Variants in LRP1B observed in about 807,000 individuals in gnomAD.
The protein encoded by LRP1B is low-density lipoprotein receptor-related protein 1B.
Under a neutral mutation model 556.6 loss-of-function variants are expected in LRP1B, and 217 were observed. The ratio of observed to expected loss-of-function variants is 0.39; its 90% CI spans 0.35 to 0.44. LRP1B has a LOEUF of 0.44. Ranked by LOEUF, LRP1B falls within the 20% of genes least tolerant of loss-of-function variation. LRP1B has a pLI of 1.00. For missense variants in LRP1B, 5,053 were observed against 5,620.8 expected, an observed-to-expected ratio of 0.90 and a Z score of 3.23; for synonymous variants, 2,047 against 1,865.8, an observed-to-expected ratio of 1.10 and a Z score of -2.50.
intron 3 of LRP1B, among the ~76,000 whole-genome samples, chr2:141,458,697 C>T (rs537425597): frequency 6.6e-6 from 1 of 152,026 alleles, no homozygotes; most frequent in South Asian, 2.1e-4. Flanking sequence ...GCCAACAGTG[C>T]TTCTATGACT....
intron 11 of LRP1B, among the ~76,000 whole-genome samples, chr2:141,032,622 C>A (rs916426464): frequency 1.3e-5 from 2 of 151,704 alleles, no homozygotes; most frequent in African/African-American, 4.8e-5. Context: ...TGTATTTCTT[C>A]TTCTGTGAAC....
chr2:140,833,888 A>C (rs1691805954), intron 31 of LRP1B, among the ~76,000 whole-genome samples: 1 of 152,202 alleles, frequency 6.6e-6, no homozygotes, highest in African/African-American at 2.4e-5. Flanking sequence ...ATGAGAATCA[A>C]AACCATAAGC....
At chr2:141,455,020 C>T (rs1195743650) in intron 3 of LRP1B, among the ~76,000 whole-genome samples, 1 of 151,930 alleles carries the variant, frequency 6.6e-6, no homozygotes, top group African/African-American at 2.4e-5. Context: ...ATTCAAAATG[C>T]AATAGAAAAT....
At chr2:142,028,319 G>C (rs963600468) in intron 1 of LRP1B, among the ~76,000 whole-genome samples, 30 of 151,882 alleles carry the variant, frequency 2.0e-4, no homozygotes, top group Admixed American at 4.6e-4. Flanking sequence ...CAATTATCTT[G>C]TGCTGTCCCT....
At chr2:140,879,078 T>C (rs1349917978) in intron 25 of LRP1B, among the ~76,000 whole-genome samples, 1 of 152,120 alleles carries the variant, frequency 6.6e-6, no homozygotes, top group Non-Finnish European at 1.5e-5. Context: ...TCTGAGTATT[T>C]GTGGATAAGC....
At chr2:140,601,817 A>G (rs1297256044) in intron 41 of LRP1B, among the ~76,000 whole-genome samples, 178 bp from the exon 42 acceptor site, 1 of 152,168 alleles carries the variant, frequency 6.6e-6, no homozygotes, top group African/African-American at 2.4e-5. Context: ...CTTATTATAC[A>G]TATATAATGG....
At chr2:140,248,626 C>G (rs1010155872) in intron 86 of LRP1B, among the ~76,000 whole-genome samples, 1 of 151,484 alleles carries the variant, frequency 6.6e-6, no homozygotes, top group Non-Finnish European at 1.5e-5. Flanking sequence ...GGGATATTTT[C>G]AAATCATTAG....
At chr2:141,877,920 T>C (rs929931898) in intron 1 of LRP1B, among the ~76,000 whole-genome samples, 6 of 151,964 alleles carry the variant, frequency 3.9e-5, no homozygotes, top group Non-Finnish European at 8.8e-5. Flanking sequence ...CCTGGGCTTA[T>C]AGTACAATTT....
At chr2:141,715,266 G>A (rs901002071) in intron 2 of LRP1B, among the ~76,000 whole-genome samples, 10 of 151,972 alleles carry the variant, frequency 6.6e-5, no homozygotes, top group Admixed American at 2.6e-4. Context: ...CCAGGAGTTC[G>A]ACACCAGCCT....
intron 66 of LRP1B, among the ~76,000 whole-genome samples, chr2:140,435,505 A>G (rs759856953): frequency 5.3e-5 from 8 of 152,132 alleles, no homozygotes; most frequent in African/African-American, 9.7e-5. Flanking sequence ...TTCAAACTCA[A>G]TTATAATCCC....
chr2:140,927,212 C>T (rs773788025), intron 20 of LRP1B, among the ~76,000 whole-genome samples: 9 of 151,896 alleles, frequency 5.9e-5, no homozygotes, highest in Non-Finnish European at 5.9e-5. Flanking sequence ...GGCTGAGGCA[C>T]GAGAATCACT....
At chr2:142,064,907 T>C (rs542473035) in intron 1 of LRP1B, among the ~76,000 whole-genome samples, 2 of 151,744 alleles carry the variant, frequency 1.3e-5, no homozygotes, top group South Asian at 2.1e-4. Context: ...TATATACATA[T>C]CTATCTCCAT....
chr2:141,748,299 A>C (rs1171179046), intron 2 of LRP1B, among the ~76,000 whole-genome samples: 1 of 152,192 alleles, frequency 6.6e-6, no homozygotes, highest in African/African-American at 2.4e-5. Flanking sequence ...GAAATCATAT[A>C]TATAAAAGGC....
chr2:142,048,714 C>A (rs770531439), intron 1 of LRP1B, among the ~76,000 whole-genome samples: 4 of 151,930 alleles, frequency 2.6e-5, no homozygotes, highest in Non-Finnish European at 5.9e-5. Context: ...TAACATTCTT[C>A]ATTTCCAAGG....
At chr2:141,307,782 T>C (rs1686651975) in intron 3 of LRP1B, among the ~76,000 whole-genome samples, 1 of 152,134 alleles carries the variant, frequency 6.6e-6, no homozygotes, top group Non-Finnish European at 1.5e-5. Context: ...TATGTCCATA[T>C]GGGAAGATTC....
chr2:141,214,618 C>T (rs1236509768), intron 6 of LRP1B, among the ~76,000 whole-genome samples: 1 of 152,142 alleles, frequency 6.6e-6, no homozygotes, highest in Non-Finnish European at 1.5e-5. Flanking sequence ...AATGCCTTGG[C>T]TCTAATCTTG....
intron 41 of LRP1B, among the ~76,000 whole-genome samples, chr2:140,610,880 T>C (rs1228184330): frequency 3.3e-5 from 5 of 152,378 alleles, no homozygotes; most frequent in African/African-American, 9.6e-5. Context: ...CTAGACTTTC[T>C]GTATTTTCGT....
chr2:141,823,290 G>A (rs1696814195), intron 1 of LRP1B, among the ~76,000 whole-genome samples: 1 of 152,092 alleles, frequency 6.6e-6, no homozygotes, highest in Admixed American at 6.5e-5. Flanking sequence ...TCTAGATTGT[G>A]AGCACTTCAG....
In LRP1B at chr2:141,211,304, TA is replaced by T. The variant is rs1203235856; in HGVS notation, c.850+17878del. On this transcript the variant is annotated intron_variant, in intron 6 of 90. Coordinates refer to ENST00000389484, the MANE Select transcript of LRP1B (RefSeq NM_018557.3). Reference sequence around the variant, plus strand: ...TGCCCAGCCCATTTTTCTTTTTTTTTAAAAAAAAAAAACAAAACAAAAACTA... The same window carrying T: ...TGCCCAGCCCATTTTTCTTTTTTTTTAAAAAAAAAAACAAAACAAAAACTA... Among the ~76,000 whole-genome samples the T allele has an allele frequency of 2.3e-3, 334 of 147,758 alleles. 2 individuals carry two copies. In the Middle Eastern group the frequency reaches 0.024, roughly 11 times the overall value.
Sources: gnomAD v4.1 joint callset for allele counts (sites outside exome capture counted in the v4.1 genomes callset) on GRCh38, gnomAD v4.1.1 for gene constraint, MANE v1.5 for transcripts, NCBI Gene and HGNC (gene_info 2026-07-23, HGNC 2026-07-21) for gene names.